Variants in CAMTA1 observed in about 807,000 individuals in gnomAD.
The protein encoded by CAMTA1 is calmodulin-binding transcription activator 1.
In CAMTA1, 27 loss-of-function variants were observed where a neutral mutation model predicts 170.9. The ratio of observed to expected loss-of-function variants is 0.16; its 90% CI spans 0.12 to 0.22. The LOEUF is 0.22. CAMTA1 is among the 10% of genes least tolerant of loss of function. The probability of loss-of-function intolerance (pLI) is 1.00; values close to 1 mark genes in which losing one functional copy is unlikely to be tolerated. For missense variants in CAMTA1, 1,619 were observed against 2,217.2 expected (o/e 0.73, Z 5.42); for synonymous variants, 833 against 891.5 (o/e 0.93, Z 1.17).
rs1249699607 is a variant in CAMTA1, at chr1:6,971,373, C to T, written c.235-119931C>T. ...GCAGACGATCGGATTGTATCCGTGT[C>T]ATTCTGCTGCCACTTTAATGAGGAC... On this transcript the variant is annotated intron_variant, in intron 3 of 22. Coordinates refer to ENST00000303635, the MANE Select transcript of CAMTA1 (RefSeq NM_015215.4). The surrounding 1 kb of genome is among the most constrained non-coding windows in gnomAD (Gnocchi z 4.6). Among the ~76,000 whole-genome samples the T allele has an allele frequency of 6.6e-6, 1 of 152,208 alleles. No individual in the cohort carries two copies. Among genetic ancestry groups the T allele is most frequent in the African/African-American group, 2.4e-5 (1 of 41,454 alleles).
intron 3 of CAMTA1, among the ~76,000 whole-genome samples, chr1:6,833,057 T>C (rs1162483247): frequency 2.0e-5 from 3 of 152,094 alleles, no homozygotes; most frequent in Non-Finnish European, 4.4e-5. Flanking sequence ...ACAGGATATA[T>C]TGAAAAGCTG....
At chr1:6,982,920 C>T (rs1694688895) in intron 3 of CAMTA1, among the ~76,000 whole-genome samples, 1 of 152,120 alleles carries the variant, frequency 6.6e-6, no homozygotes, top group African/African-American at 2.4e-5. Flanking sequence ...TTGTGGGCCT[C>T]CTTGTCACTC....
At chr1:7,052,324 C>T (rs757884764) in intron 3 of CAMTA1, among the ~76,000 whole-genome samples, 2 of 152,058 alleles carry the variant, frequency 1.3e-5, no homozygotes, top group Non-Finnish European at 2.9e-5. Context: ...TGGGCTTTCT[C>T]CCCTCTAAAG....
chr1:6,838,442 C>G (rs1050266865), intron 3 of CAMTA1, among the ~76,000 whole-genome samples: 24 of 152,186 alleles, frequency 1.6e-4, no homozygotes, highest in Admixed American at 4.6e-4. Context: ...TGTGAAGGAG[C>G]TCTTTCCAGG....
At chr1:7,739,678 A>G (rs59214896) in intron 16 of CAMTA1, among the ~76,000 whole-genome samples, 24,428 of 152,230 alleles carry the variant, frequency 0.16, 2,417 homozygotes, top group South Asian at 0.26. Context: ...TTATAAAACC[A>G]TCAGATCTCA....
intron 5 of CAMTA1, among the ~76,000 whole-genome samples, chr1:7,400,590 C>A (rs2089819597): frequency 6.6e-6 from 1 of 151,966 alleles, no homozygotes; most frequent in South Asian, 2.1e-4. Flanking sequence ...AGCTGTACAT[C>A]TGGTGGAATG....
At chr1:6,867,354 G>A (rs1557728651) in intron 3 of CAMTA1, among the ~76,000 whole-genome samples, 1 of 151,960 alleles carries the variant, frequency 6.6e-6, no homozygotes, top group Non-Finnish European at 1.5e-5. Context: ...GGAGTATTGT[G>A]GAAATAATAT....
chr1:7,395,213 A>G (rs1379686484), intron 5 of CAMTA1, among the ~76,000 whole-genome samples: 3 of 152,158 alleles, frequency 2.0e-5, no homozygotes, highest in Non-Finnish European at 4.4e-5. Flanking sequence ...TTCAGTTCTT[A>G]CATATAAGAA....
chr1:6,888,157 C>T, intron 3 of CAMTA1: 1 of 981,658 alleles, frequency 1.0e-6, no homozygotes, highest in Non-Finnish European at 1.2e-6. Context: ...GTGCATAGGA[C>T]AGTGCTGACA....
chr1:6,843,680 A>G (rs937407645), intron 3 of CAMTA1, among the ~76,000 whole-genome samples: 7 of 152,146 alleles, frequency 4.6e-5, no homozygotes, highest in African/African-American at 9.7e-5. Context: ...GGGTTTCACC[A>G]TGTTGGCCAG....
intron 5 of CAMTA1, among the ~76,000 whole-genome samples, chr1:7,402,491 C>T (rs186779144): frequency 3.4e-4 from 52 of 152,302 alleles, no homozygotes; most frequent in African/African-American, 1.1e-3. Flanking sequence ...TCTGTCCCAT[C>T]GCCCAAAAAT....
chr1:7,382,280 A>G (rs1416627174), intron 5 of CAMTA1, among the ~76,000 whole-genome samples: 1 of 152,260 alleles, frequency 6.6e-6, no homozygotes, highest in Admixed American at 6.5e-5. Flanking sequence ...TATCTCTGCC[A>G]TAGAGTTAGA....
At chr1:7,059,248 T>C (rs1707843166) in intron 3 of CAMTA1, among the ~76,000 whole-genome samples, 1 of 152,182 alleles carries the variant, frequency 6.6e-6, no homozygotes, top group Non-Finnish European at 1.5e-5. Context: ...TCAAGAATGG[T>C]TCATTAAAAT....
At chr1:6,799,153 G>C (rs1225611006) in intron 1 of CAMTA1, among the ~76,000 whole-genome samples, 1 of 151,956 alleles carries the variant, frequency 6.6e-6, no homozygotes, top group Non-Finnish European at 1.5e-5. Context: ...CTGCAACCTT[G>C]AACTCTTGGG....
intron 3 of CAMTA1, among the ~76,000 whole-genome samples, chr1:6,838,196 G>T (rs1323439971): frequency 6.6e-6 from 1 of 152,134 alleles, no homozygotes; most frequent in East Asian, 1.9e-4. Context: ...AAACAGTCTG[G>T]CTTGGTGATA....
chr1:7,673,130 C>T lies in CAMTA1; in HGVS notation c.2779+2093C>T, dbSNP rs913106764. Among the ~76,000 whole-genome samples the T allele has an allele frequency of 6.6e-6, 1 of 152,224 alleles. No homozygotes were observed. The highest frequency in any genetic ancestry group is 1.5e-5 in the Non-Finnish European group (1 of 68,042). ...CTATAAATAGATGCCACTTCCTGTACCTGGTTCTCGCCTGGCTAAGGACCA... is the reference window on the plus strand; with the variant it reads ...CTATAAATAGATGCCACTTCCTGTATCTGGTTCTCGCCTGGCTAAGGACCA... On this transcript the variant is annotated intron_variant, in intron 10 of 22. Coordinates refer to ENST00000303635, the MANE Select transcript of CAMTA1 (RefSeq NM_015215.4). The surrounding 1 kb of genome is among the most constrained non-coding windows in gnomAD (Gnocchi z 4.6).
rs538206184 is a variant in CAMTA1 at position 7,097,465 on chromosome 1, T to C, written c.302+6094T>C. Among the ~76,000 whole-genome samples, 34 of 152,294 alleles carry C rather than the reference T, an allele frequency of 2.2e-4. 1 individual carries two copies. In the South Asian group the frequency reaches 6.8e-3, roughly 31 times the overall value. ...GAGGCCTCTGCCTAGAAAGTCAGTG[T>C]TATCAGGCCCCAGGCTGGTCCTGGT... On this transcript the variant is annotated intron_variant, in intron 4 of 22. Transcript: ENST00000303635.
intron 11 of CAMTA1, among the ~76,000 whole-genome samples, chr1:7,718,853 CT>C (rs1380463151): frequency 6.7e-5 from 9 of 134,540 alleles, no homozygotes; most frequent in East Asian, 2.1e-4. Context: ...CCGGTCAGCC[CT>C]TTTTTTTTTT....
chr1:7,515,488 G>A (rs886095502), intron 6 of CAMTA1, among the ~76,000 whole-genome samples: 2 of 152,136 alleles, frequency 1.3e-5, no homozygotes, highest in African/African-American at 4.8e-5. Flanking sequence ...ACAGCCCAAT[G>A]CCCACCACAT....
Sources: gnomAD v4.1 joint callset for allele counts (sites outside exome capture counted in the v4.1 genomes callset) on GRCh38, gnomAD v4.1.1 for gene constraint, Gnocchi (gnomAD v3.1) non-coding constraint, MANE v1.5 for transcripts, NCBI Gene and HGNC (gene_info 2026-07-23, HGNC 2026-07-21) for gene names.